The following PRKCE variants were observed in gnomAD, a reference collection of about 807,000 sequenced individuals.
The protein encoded by PRKCE is protein kinase C epsilon, also known as protein kinase C epsilon type.
A neutral mutation model predicts 85.4 loss-of-function variants in PRKCE; 16 were observed. That is an observed-to-expected ratio of 0.19 (90% CI 0.13 to 0.28). The LOEUF (loss-of-function observed/expected upper bound fraction) is 0.28. PRKCE is among the 10% of genes least tolerant of loss of function. The pLI is 1.00. For synonymous variants in PRKCE, 388 were observed against 371.5 expected, an observed-to-expected ratio of 1.04 and a Z score of -0.51; for missense variants, 573 against 975.2, an observed-to-expected ratio of 0.59 and a Z score of 5.49.
intron 1 of PRKCE, among the ~76,000 whole-genome samples, chr2:45,693,100 C>T (rs1677867262): frequency 6.6e-6 from 1 of 151,924 alleles, no homozygotes. Flanking sequence ...GGAACAGATC[C>T]TGAGGAGTGC....
At chr2:45,908,888 C>T (rs570018235) in intron 2 of PRKCE, among the ~76,000 whole-genome samples, 20 of 152,286 alleles carry the variant, frequency 1.3e-4, no homozygotes, top group African/African-American at 4.8e-4. Context: ...TACCCCTCTC[C>T]TTCCTCTGAG....
chr2:45,924,005 G>T (rs1313571464), intron 2 of PRKCE, among the ~76,000 whole-genome samples: 2 of 152,208 alleles, frequency 1.3e-5, no homozygotes, highest in African/African-American at 4.8e-5. Context: ...ACATGAGTTT[G>T]TTGTGTCCCT....
At chr2:45,735,791 C>T (rs80143561) in intron 1 of PRKCE, among the ~76,000 whole-genome samples, 1,841 of 152,250 alleles carry the variant, frequency 0.012, 18 homozygotes, top group Middle Eastern at 0.024. Flanking sequence ...GGAACATAGA[C>T]GCCAGGCAGG....
chr2:45,665,737 A>G (rs577109587), intron 1 of PRKCE, among the ~76,000 whole-genome samples: 56 of 152,290 alleles, frequency 3.7e-4, no homozygotes, highest in African/African-American at 1.2e-3. Flanking sequence ...ATTGCATGGG[A>G]CATTCTTATA....
At chr2:46,116,278 C>T (rs948570171) in intron 11 of PRKCE, among the ~76,000 whole-genome samples, 4 of 152,156 alleles carry the variant, frequency 2.6e-5, no homozygotes, top group African/African-American at 7.2e-5. Flanking sequence ...GAGAATGTCA[C>T]GTGAGAGTTG....
chr2:45,814,512 A>G (rs1250027032), intron 1 of PRKCE, among the ~76,000 whole-genome samples: 2 of 152,178 alleles, frequency 1.3e-5, no homozygotes, highest in Non-Finnish European at 2.9e-5. Flanking sequence ...GGGATTTTAG[A>G]AATCTTTTAT....
chr2:45,964,798 A>G (rs1701623402), intron 2 of PRKCE, among the ~76,000 whole-genome samples: 1 of 152,190 alleles, frequency 6.6e-6, no homozygotes, highest in Non-Finnish European at 1.5e-5. Context: ...TTATCTGTCA[A>G]TCACCATGTT....
intron 11 of PRKCE, among the ~76,000 whole-genome samples, chr2:46,107,150 A>G (rs1020481682): frequency 1.3e-5 from 2 of 151,798 alleles, no homozygotes; most frequent in Non-Finnish European, 2.9e-5. Flanking sequence ...TACCTATCCA[A>G]CTCTCTCCTC....
intron 1 of PRKCE, among the ~76,000 whole-genome samples, chr2:45,665,896 G>C (rs979099362): frequency 6.6e-6 from 1 of 152,108 alleles, no homozygotes; most frequent in Non-Finnish European, 1.5e-5. Context: ...TCTTGTCCCT[G>C]TGAGGGCAGA....
intron 11 of PRKCE, among the ~76,000 whole-genome samples, chr2:46,094,489 G>A (rs769074884): frequency 1.3e-5 from 2 of 152,126 alleles, no homozygotes; most frequent in African/African-American, 2.4e-5. Flanking sequence ...GACATAGGTG[G>A]AGCTGGAAGC....
intron 2 of PRKCE, among the ~76,000 whole-genome samples, chr2:45,866,983 A>T (rs981606011): frequency 5.3e-5 from 8 of 152,206 alleles, no homozygotes; most frequent in African/African-American, 1.2e-4. Flanking sequence ...TAGACTATTT[A>T]AAAAAGATGC....
intron 11 of PRKCE, among the ~76,000 whole-genome samples, chr2:46,088,010 A>T (rs1189378683): frequency 6.6e-6 from 1 of 152,184 alleles, no homozygotes; most frequent in Non-Finnish European, 1.5e-5. Context: ...TCAAAGTCAG[A>T]TGATTAGGAT....
intron 10 of PRKCE, among the ~76,000 whole-genome samples, chr2:46,045,455 G>T (rs376451308): frequency 6.6e-6 from 1 of 152,244 alleles, no homozygotes; most frequent in African/African-American, 2.4e-5. Flanking sequence ...CAGGTTCATG[G>T]GTTGGTGGAG....
chr2:45,817,610 C>G lies in PRKCE; in HGVS notation c.349-25390C>G, dbSNP rs374290849. 2.0e-5 allele frequency among the ~76,000 whole-genome samples: 3 copies of G among 152,206 alleles called. No homozygotes were observed. The South Asian group carries it at 6.2e-4, about 32-fold the overall frequency. On this transcript the variant is annotated intron_variant, in intron 1 of 14. Transcript: ENST00000306156. ...TCAGGAGGCTGAGGCAGGAGAATGG[C>G]GTGAACCCGGAAAGCGGAGCTTGCA... is the stretch of plus-strand genomic sequence containing the variant.
At chr2:45,846,328 G>C (rs1243280700) in intron 2 of PRKCE, among the ~76,000 whole-genome samples, 1 of 152,070 alleles carries the variant, frequency 6.6e-6, no homozygotes, top group Non-Finnish European at 1.5e-5. Flanking sequence ...TGATTCACAG[G>C]CTTACCGATG....
At chr2:46,032,629 A>G (rs1300385743) in intron 10 of PRKCE, among the ~76,000 whole-genome samples, 1 of 152,208 alleles carries the variant, frequency 6.6e-6, no homozygotes, top group East Asian at 1.9e-4. Flanking sequence ...GGCTGAAAAA[A>G]TGCCCAGGCA....
intron 10 of PRKCE, among the ~76,000 whole-genome samples, chr2:46,020,926 C>A (rs911711380): frequency 4.6e-5 from 7 of 152,170 alleles, no homozygotes; most frequent in African/African-American, 1.7e-4. Flanking sequence ...TACCCAAGTC[C>A]CATGGGATGT....
intron 2 of PRKCE, among the ~76,000 whole-genome samples, chr2:45,966,081 G>T: frequency 6.6e-6 from 1 of 152,086 alleles, no homozygotes; most frequent in East Asian, 1.9e-4. Context: ...TCCTTGGGAG[G>T]CGTGGATGGC....
intron 10 of PRKCE, among the ~76,000 whole-genome samples, chr2:46,044,330 T>TA (rs1708389818): frequency 6.6e-6 from 1 of 152,190 alleles, no homozygotes; most frequent in Non-Finnish European, 1.5e-5. Context: ...AGTGATCTGT[T>TA]AGAGAAAGGA....
Sources: allele counts gnomAD v4.1 joint callset (sites outside exome capture counted in the v4.1 genomes callset), GRCh38; gene constraint gnomAD v4.1.1; transcripts MANE v1.5; gene names NCBI Gene and HGNC (gene_info 2026-07-23, HGNC 2026-07-21).